Variants in ROBO2 observed in about 807,000 individuals in gnomAD.
ROBO2 encodes roundabout homolog 2.
A neutral mutation model predicts 160.8 loss-of-function variants in ROBO2; 53 were observed. The observed-to-expected ratio is 0.33, with a 90% confidence interval of 0.26 to 0.41. The LOEUF is 0.41. Ranked by LOEUF, ROBO2 falls within the 10% of genes least tolerant of loss-of-function variation. ROBO2 has a pLI of 1.00. For synonymous variants in ROBO2, 664 were observed against 611.7 expected (o/e 1.09, Z -1.26); for missense variants, 1,577 against 1,722.4 (o/e 0.92, Z 1.49).
chr3:77,470,327 G>T (rs1271598453), intron 2 of ROBO2, among the ~76,000 whole-genome samples: 2 of 152,144 alleles, frequency 1.3e-5, no homozygotes, highest in African/African-American at 4.8e-5. Context: ...TAGAGAAAAA[G>T]GTCAAATAGG....
intron 2 of ROBO2, among the ~76,000 whole-genome samples, chr3:77,103,479 C>T (rs1475388445): frequency 6.6e-6 from 1 of 151,412 alleles, no homozygotes; most frequent in Non-Finnish European, 1.5e-5. Flanking sequence ...TGTGATTTAC[C>T]TTTGCTTTGA....
At chr3:76,617,857 G>C (rs1228527408) in intron 2 of ROBO2, among the ~76,000 whole-genome samples, 2 of 151,636 alleles carry the variant, frequency 1.3e-5, no homozygotes, top group East Asian at 3.9e-4. Flanking sequence ...AGGCAGGAGA[G>C]AGAATGAGAG....
intron 2 of ROBO2, among the ~76,000 whole-genome samples, chr3:76,445,762 C>CAT (rs945849207): frequency 1.3e-5 from 2 of 152,064 alleles, no homozygotes; most frequent in African/African-American, 4.8e-5. Context: ...CGTAATCCAG[C>CAT]ATATAAACAG....
chr3:76,315,775 T>C (rs2071966879), intron 2 of ROBO2, among the ~76,000 whole-genome samples: 6 of 152,212 alleles, frequency 3.9e-5, no homozygotes, highest in Admixed American at 3.9e-4. Context: ...AATATTTTCA[T>C]TAATCAGATT....
At chr3:75,976,903 T>TATA (rs2065148695) in intron 2 of ROBO2, among the ~76,000 whole-genome samples, 1 of 151,500 alleles carries the variant, frequency 6.6e-6, no homozygotes, top group African/African-American at 2.4e-5. Flanking sequence ...AAAGACTCAT[T>TATA]ATCTGTATGG....
At chr3:76,279,713 A>G (rs973563763) in intron 2 of ROBO2, among the ~76,000 whole-genome samples, 3 of 151,024 alleles carry the variant, frequency 2.0e-5, no homozygotes, top group Non-Finnish European at 3.0e-5. Context: ...ATAAGGGGAA[A>G]CAATTATCAT....
At chr3:75,984,111 A>C (rs768025427) in intron 2 of ROBO2, among the ~76,000 whole-genome samples, 1 of 151,524 alleles carries the variant, frequency 6.6e-6, no homozygotes, top group Admixed American at 6.6e-5. Flanking sequence ...CCACATTTTC[A>C]TAAAGGCCAC....
At chr3:76,199,577 TGGATAATGGCC>T (rs1702422325) in intron 2 of ROBO2, among the ~76,000 whole-genome samples, 1 of 152,112 alleles carries the variant, frequency 6.6e-6, no homozygotes, top group Non-Finnish European at 1.5e-5. Flanking sequence ...AATGTACAAA[TGGATAATGGCC>T]AGACCATAAA....
Position 77,294,228 on chromosome 3 carries a change from T to C in ROBO2, c.389-183186T>C, listed in dbSNP as rs1324485704. Among the ~76,000 whole-genome samples, 7 of 136,626 alleles carry C rather than the reference T, an allele frequency of 5.1e-5. 1 individual carries two copies. Among genetic ancestry groups the C allele is most frequent in the African/African-American group, 2.0e-4 (7 of 35,228 alleles). 89.6% of individuals were successfully genotyped at this position (136,626 alleles called of 152,430 possible). A position where few individuals can be genotyped will look rare whatever the true frequency, so the allele number is the denominator to read the frequency against. ...GCTAAAAGGGTAAGCTGAGACTAGATCACCCCGGACATAAAGTAAAATTGA... is the reference window on the plus strand; with the variant it reads ...GCTAAAAGGGTAAGCTGAGACTAGACCACCCCGGACATAAAGTAAAATTGA... On this transcript the variant is annotated intron_variant, in intron 2 of 25. Coordinates refer to ENST00000461745, the Ensembl canonical transcript of ROBO2.
chr3:77,448,483 A>G (rs1370722716), intron 2 of ROBO2, among the ~76,000 whole-genome samples: 1 of 152,106 alleles, frequency 6.6e-6, no homozygotes, highest in Non-Finnish European at 1.5e-5. Context: ...TGACACACAC[A>G]AGTGTGAGCC....
At chr3:76,367,233 A>T (rs889083632) in intron 2 of ROBO2, among the ~76,000 whole-genome samples, 1 of 152,022 alleles carries the variant, frequency 6.6e-6, no homozygotes. Flanking sequence ...ATTCTGAACA[A>T]TTGTAGAAAG....
chr3:76,217,542 C>T (rs1270766224), intron 2 of ROBO2, among the ~76,000 whole-genome samples: 4 of 152,136 alleles, frequency 2.6e-5, no homozygotes, highest in Non-Finnish European at 5.9e-5. Flanking sequence ...AACCTCTACG[C>T]AAATAAACTA....
chr3:76,987,998 G>T (rs2060476882), intron 2 of ROBO2, among the ~76,000 whole-genome samples: 1 of 151,858 alleles, frequency 6.6e-6, no homozygotes, highest in Non-Finnish European at 1.5e-5. Context: ...TTGAAAATTA[G>T]ACATTTCTTA....
chr3:77,459,955 G>T (rs959319562), intron 2 of ROBO2, among the ~76,000 whole-genome samples: 24 of 148,390 alleles, frequency 1.6e-4, no homozygotes, highest in Non-Finnish European at 2.7e-4. Context: ...TGGGTGGGGG[G>T]GTCCTTCGGA....
chr3:76,074,473 A>G (rs2068577189), intron 2 of ROBO2, among the ~76,000 whole-genome samples: 1 of 152,216 alleles, frequency 6.6e-6, no homozygotes, highest in African/African-American at 2.4e-5. Flanking sequence ...GGTAATGTGT[A>G]ATCAGATTAG....
chr3:76,645,288 A>G (rs969274668), intron 2 of ROBO2, among the ~76,000 whole-genome samples: 1 of 152,222 alleles, frequency 6.6e-6, no homozygotes, highest in African/African-American at 2.4e-5. Context: ...GCTTCTTTGT[A>G]GAATCCTATT....
chr3:76,871,371 G>C (rs1022739053), intron 2 of ROBO2, among the ~76,000 whole-genome samples: 1 of 151,270 alleles, frequency 6.6e-6, no homozygotes, highest in Non-Finnish European at 1.5e-5. Flanking sequence ...CGGCTAAAAC[G>C]GTGAAACCCC....
intron 2 of ROBO2, among the ~76,000 whole-genome samples, chr3:76,465,183 G>A (rs2078295809): frequency 6.6e-6 from 1 of 151,986 alleles, no homozygotes; most frequent in Non-Finnish European, 1.5e-5. Flanking sequence ...ACATCTACAG[G>A]AACTGGTTTC....
chr3:76,034,119 T>C (rs539156181), intron 2 of ROBO2, among the ~76,000 whole-genome samples: 1 of 152,292 alleles, frequency 6.6e-6, no homozygotes, highest in East Asian at 1.9e-4. Flanking sequence ...TGGGCAGTTT[T>C]CATCACTCTA....
Sources: gnomAD v4.1 joint callset for allele counts (sites outside exome capture counted in the v4.1 genomes callset) on GRCh38, gnomAD v4.1.1 for gene constraint, MANE v1.5 for transcripts, NCBI Gene and HGNC (gene_info 2026-07-23, HGNC 2026-07-21) for gene names.